The following IFT140 variants were observed in gnomAD, a reference collection of about 807,000 sequenced individuals.
The protein encoded by IFT140 is intraflagellar transport 140.
A neutral mutation model predicts 164.6 loss-of-function variants in IFT140; 133 were observed. The ratio of observed to expected loss-of-function variants is 0.81; its 90% CI spans 0.70 to 0.93. The LOEUF is 0.93. IFT140 is among the 40% of genes least tolerant of loss of function. The probability of loss-of-function intolerance (pLI) is 0.00; values close to 1 mark genes in which losing one functional copy is unlikely to be tolerated. For missense variants in IFT140, 2,045 were observed against 1,972.3 expected (o/e 1.04, Z -0.70); for synonymous variants, 860 against 817.3 (o/e 1.05, Z -0.89).
intron 19 of IFT140, among the ~76,000 whole-genome samples, chr16:1,544,749 C>T (rs549812532): frequency 8.4e-4 from 128 of 151,972 alleles, no homozygotes; most frequent in Admixed American, 4.1e-3. Context: ...CCCGGGTTCA[C>T]GCCATTCTCC....
intron 19 of IFT140, 87 bp downstream of exon 19, chr16:1,557,848 C>A (rs983390633): frequency 2.1e-5 from 27 of 1,311,868 alleles, no homozygotes; most frequent in Non-Finnish European, 2.4e-5. Context: ...AATATTTCAA[C>A]AGGCGAACCA....
chr16:1,586,466 T>C (rs779817658), intron 9 of IFT140, among the ~76,000 whole-genome samples, 191 bp from the exon 10 acceptor site: 26 of 150,416 alleles, frequency 1.7e-4, no homozygotes, highest in Admixed American at 7.3e-4. Context: ...AGTGCGGGGG[T>C]GGTGGGGGAT....
intron 11 of IFT140, 75 bp from the exon 12 acceptor site, chr16:1,583,461 C>T (rs543446655): frequency 1.1e-4 from 132 of 1,194,356 alleles, no homozygotes; most frequent in East Asian, 1.9e-4. Flanking sequence ...CTGCACACCT[C>T]GAAAGCCTCC....
At chr16:1,547,614 A>G (rs977386327) in intron 19 of IFT140, among the ~76,000 whole-genome samples, 3 of 152,156 alleles carry the variant, frequency 2.0e-5, no homozygotes, top group Admixed American at 2.0e-4. Flanking sequence ...TGGGTTCAAT[A>G]TAAGTTCCGC....
At chr16:1,557,737 C>T in intron 19 of IFT140, 198 bp downstream of exon 19, 1 of 602,862 alleles carries the variant, frequency 1.7e-6, no homozygotes, top group South Asian at 2.0e-5. Context: ...CTCCCAGCAC[C>T]AGAGAGGCTG....
intron 14 of IFT140, among the ~76,000 whole-genome samples, chr16:1,570,001 T>C (rs1490467483): frequency 6.6e-6 from 1 of 152,238 alleles, no homozygotes; most frequent in East Asian, 1.9e-4. Flanking sequence ...TATTAGGACC[T>C]CTTTTGGTGG....
At position 1,553,509 on chromosome 16, in the gene IFT140, C is replaced by T. The variant is rs928416298; in HGVS notation, c.2399+4426G>A. The T allele has an allele frequency of 2.0e-6, 2 of 991,888 alleles. No individual in the cohort carries two copies. The highest frequency in any genetic ancestry group is 1.1e-4 in the Admixed American group (2 of 17,694). The allele number at this position is 991,888 out of a possible 1,614,324, so 61.4% of individuals were successfully genotyped here. A position where few individuals can be genotyped will look rare whatever the true frequency, so the allele number is the denominator to read the frequency against. ...GCAGTGGGGCTCGGCGTGGCCGGAG[C>T]CTGGGGAGGGACATGGACAAGTCCT... On this transcript the variant is annotated intron_variant, in intron 19 of 30. Transcript: ENST00000426508. This position sits in a 1 kb window ranked among gnomAD's most constrained non-coding sequence, Gnocchi z 4.4.
Position 1,564,783 on chromosome 16 carries a change from G to C in IFT140, c.1902-621C>G, listed in dbSNP as rs1210771969. Among the ~76,000 whole-genome samples, 1 of 152,234 alleles carries C rather than the reference G, an allele frequency of 6.6e-6. No individual in the cohort carries two copies. The highest frequency in any genetic ancestry group is 1.5e-5 in the Non-Finnish European group (1 of 68,040). On this transcript the variant is annotated intron_variant, in intron 16 of 30. Coordinates refer to ENST00000426508, the MANE Select transcript of IFT140 (RefSeq NM_014714.4). This position sits in a 1 kb window ranked among gnomAD's most constrained non-coding sequence, Gnocchi z 5.5. Reference sequence around the variant, plus strand: ...CAGGGTGTCACGAACCCAGGCTGCAGAGTGGGACCCTGCCGGGCAGCACGA... The same window carrying C: ...CAGGGTGTCACGAACCCAGGCTGCACAGTGGGACCCTGCCGGGCAGCACGA...
At chr16:1,524,348 C>A in intron 24 of IFT140, 1 of 694,244 alleles carries the variant, frequency 1.4e-6, no homozygotes, top group Non-Finnish European at 2.3e-6. Flanking sequence ...GGGGACAATT[C>A]AGTGCTTTGC....
At chr16:1,511,405 C>A (rs924224685) in intron 30 of IFT140, among the ~76,000 whole-genome samples, 4 of 152,210 alleles carry the variant, frequency 2.6e-5, no homozygotes, top group African/African-American at 9.7e-5. Flanking sequence ...GCTGGAAATG[C>A]AGAGCCAGGG....
chr16:1,593,502 G>C (rs759874340), intron 4 of IFT140, among the ~76,000 whole-genome samples: 19 of 152,194 alleles, frequency 1.2e-4, no homozygotes, highest in Admixed American at 2.6e-4. Flanking sequence ...AGTAGAGACA[G>C]GGTTTCACCA....
Position 1,564,806 on chromosome 16 carries a change from C to T in IFT140, c.1902-644G>A, listed in dbSNP as rs1273854841. Among the ~76,000 whole-genome samples the T allele has an allele frequency of 2.6e-5, 4 of 152,196 alleles. No individual in the cohort carries two copies. The highest frequency in any genetic ancestry group is 6.5e-5 in the Admixed American group (1 of 15,284). On this transcript the variant is annotated intron_variant, in intron 16 of 30. Transcript: ENST00000426508. This position sits in a 1 kb window ranked among gnomAD's most constrained non-coding sequence, Gnocchi z 5.5. Reference sequence around the variant, plus strand: ...CAGAGTGGGACCCTGCCGGGCAGCACGACCCATGGCTGCTGAAGAAGGACA... The same window carrying T: ...CAGAGTGGGACCCTGCCGGGCAGCATGACCCATGGCTGCTGAAGAAGGACA...
At chr16:1,586,737 C>T (rs987565812) in intron 9 of IFT140, among the ~76,000 whole-genome samples, 9 of 152,334 alleles carry the variant, frequency 5.9e-5, no homozygotes, top group African/African-American at 1.9e-4. Flanking sequence ...GATGGGGTCA[C>T]GCTCTGTCAC....
chr16:1,519,735 G>A (rs2141141477), intron 29 of IFT140, 146 bp downstream of exon 29: 2 of 684,518 alleles, frequency 2.9e-6, no homozygotes, highest in Non-Finnish European at 4.4e-6. Flanking sequence ...CCAGGAGGAG[G>A]TGGGGTGTGT....
At position 1,552,577 on chromosome 16, in the gene IFT140, G is replaced by A. The variant is rs538050218; in HGVS notation, c.2399+5358C>T. On this transcript the variant is annotated intron_variant, in intron 19 of 30. Transcript: ENST00000426508. ...AAGCATCGATACCACACAATCGTGA[G>A]CAGAGGGCACATTCCGCACTGGTAG... Among the ~76,000 whole-genome samples, 7 of 151,926 alleles carry A rather than the reference G, an allele frequency of 4.6e-5. No homozygotes were observed. The East Asian group carries it at 5.8e-4, about 13-fold the overall frequency.
intron 19 of IFT140, among the ~76,000 whole-genome samples, chr16:1,534,717 G>T (rs1292346929): frequency 6.6e-6 from 1 of 152,198 alleles, no homozygotes; most frequent in Non-Finnish European, 1.5e-5. Flanking sequence ...GTCTCCCAGG[G>T]AACCAGGCCC....
In IFT140 at chr16:1,526,899, C is replaced by T. The variant is rs544034047; in HGVS notation, c.2400-103G>A. 12 of 1,309,166 alleles carry T rather than the reference C, an allele frequency of 9.2e-6. No individual in the cohort carries two copies. The African/African-American group carries it at 1.8e-4, about 19-fold the overall frequency. The allele number at this position is 1,309,166 out of a possible 1,614,324, so 81.1% of individuals were successfully genotyped here. On this transcript the variant is annotated intron_variant, in intron 19 of 30. Transcript: ENST00000426508. The stretch of plus-strand genomic sequence containing the variant: ...GCAAGTAGTCATCAGGCACAGCTGC[C>T]AAACGGGCATGAGGAGGGGCCTTCA...
At chr16:1,513,826 A>G (rs1388094751) in intron 30 of IFT140, among the ~76,000 whole-genome samples, 9 of 148,168 alleles carry the variant, frequency 6.1e-5, no homozygotes, top group Middle Eastern at 3.5e-3. Context: ...GGCGCCCACC[A>G]CCACACCCGG....
At chr16:1,579,748 C>T (rs147544580) in intron 13 of IFT140, among the ~76,000 whole-genome samples, 1 of 152,070 alleles carries the variant, frequency 6.6e-6, no homozygotes, top group Non-Finnish European at 1.5e-5. Flanking sequence ...AGGCAGATCA[C>T]GAGGTCAGGA....
Sources: gnomAD v4.1 joint callset for allele counts (sites outside exome capture counted in the v4.1 genomes callset) on GRCh38, gnomAD v4.1.1 for gene constraint, Gnocchi (gnomAD v3.1) non-coding constraint, MANE v1.5 for transcripts, NCBI Gene and HGNC (gene_info 2026-07-23, HGNC 2026-07-21) for gene names.